The following ZZZ3 variants were observed in gnomAD, a reference collection of about 807,000 sequenced individuals.
ZZZ3 encodes zinc finger ZZ-type containing 3.
Under a neutral mutation model 95.2 loss-of-function variants are expected in ZZZ3, and 22 were observed. The ratio of observed to expected loss-of-function variants is 0.23; its 90% CI spans 0.17 to 0.33. The LOEUF is 0.33. Among genes scored for constraint, ZZZ3 ranks in the 10% least tolerant of loss-of-function variants. ZZZ3 has a pLI of 1.00. For missense variants in ZZZ3, 885 were observed against 1,066.5 expected (o/e 0.83, Z 2.37); for synonymous variants, 335 against 358.9 (o/e 0.93, Z 0.75).
rs140282569 is a variant in ZZZ3, at chr1:77,633,307, T to A, written c.48A>T (p.Leu16Phe). The A allele has an allele frequency of 2.3e-5, 37 of 1,613,664 alleles. No homozygotes were observed. The highest frequency in any genetic ancestry group is 2.5e-5 in the Non-Finnish European group (30 of 1,179,836). ...STRVTRSTVG[L>F]NGLDESFCGR... Reference sequence around the variant, plus strand: ...CACAAAAAGATTCATCCAAGCCGTTTAACCCCACTGTTGATCTTGTAACAC... The same window carrying A: ...CACAAAAAGATTCATCCAAGCCGTTAAACCCCACTGTTGATCTTGTAACAC... Residue 16 changes from leucine to phenylalanine, a missense_variant, in exon 5 of 15, where the codon TTA becomes TTT. By Grantham distance (22) the Leu-to-Phe change is conservative. Around this residue, in one of 5 missense-constraint regions of ZZZ3, gnomAD observed 556 missense variants for 652.9 expected, o/e 0.85. Coordinates refer to ENST00000370801, the MANE Select transcript of ZZZ3 (RefSeq NM_015534.6).
At chr1:77,635,234 T>G (rs1475444671) in intron 4 of ZZZ3, among the ~76,000 whole-genome samples, 1 of 152,250 alleles carries the variant, frequency 6.6e-6, no homozygotes, top group African/African-American at 2.4e-5. Flanking sequence ...AATATTTAAG[T>G]TGCCTGAGTT....
At chr1:77,658,807 T>G (rs1670524906) in intron 1 of ZZZ3, among the ~76,000 whole-genome samples, 2 of 152,240 alleles carry the variant, frequency 1.3e-5, no homozygotes, top group Admixed American at 1.3e-4. Flanking sequence ...ACACTCTATG[T>G]CTGCATTTGA....
intron 5 of ZZZ3, among the ~76,000 whole-genome samples, chr1:77,626,186 A>G (rs1021997812): frequency 2.6e-5 from 4 of 152,128 alleles, no homozygotes; most frequent in Non-Finnish European, 5.9e-5. Context: ...ACAAGCAAAA[A>G]TTACATATTT....
intron 5 of ZZZ3, among the ~76,000 whole-genome samples, chr1:77,609,091 C>T (rs1208329424): frequency 6.6e-6 from 1 of 151,992 alleles, no homozygotes; most frequent in Non-Finnish European, 1.5e-5. Flanking sequence ...CACAGACTGG[C>T]TGAACGGATG....
chr1:77,601,257 T>C (rs531146833), intron 5 of ZZZ3, among the ~76,000 whole-genome samples: 4 of 152,284 alleles, frequency 2.6e-5, no homozygotes, highest in African/African-American at 9.6e-5. Flanking sequence ...CGACTACTAA[T>C]GAAGAATCTA....
chr1:77,572,352 T>C (rs1197494741), intron 12 of ZZZ3, among the ~76,000 whole-genome samples: 1 of 152,218 alleles, frequency 6.6e-6, no homozygotes, highest in African/African-American at 2.4e-5. Context: ...TTTGTTTTGT[T>C]TTTTGAGACG....
At chr1:77,665,308 C>T (rs1671151540) in intron 1 of ZZZ3, among the ~76,000 whole-genome samples, 2 of 152,050 alleles carry the variant, frequency 1.3e-5, no homozygotes, top group African/African-American at 4.8e-5. Context: ...AGACAGCTTC[C>T]AAGGCCAATG....
rs1241150830 is a variant in ZZZ3, at chr1:77,562,619, A to T, written c.*3021T>A. ...GAAGGGGGGAAAACAGACAAGGCAT[A>T]CTATTAGGTTAAGTGAGAAGCACCC... On this transcript the variant is annotated 3_prime_UTR_variant, in exon 15 of 15. Coordinates refer to ENST00000370801, the MANE Select transcript of ZZZ3 (RefSeq NM_015534.6). The T allele has an allele frequency of 6.6e-6, 1 of 152,230 alleles. No individual in the cohort carries two copies. Among genetic ancestry groups the T allele is most frequent in the African/African-American group, 2.4e-5 (1 of 41,450 alleles). 9.4% of individuals were successfully genotyped at this position (152,230 alleles called of 1,614,324 possible). A position where few individuals can be genotyped will look rare whatever the true frequency, so the allele number is the denominator to read the frequency against.
chr1:77,646,340 C>A (rs1570598194), intron 1 of ZZZ3, among the ~76,000 whole-genome samples: 1 of 152,086 alleles, frequency 6.6e-6, no homozygotes, highest in South Asian at 2.1e-4. Context: ...CCCGCCTCAG[C>A]CTCCCAAGTA....
At chr1:77,666,649 T>A (rs922973927) in intron 1 of ZZZ3, among the ~76,000 whole-genome samples, 1 of 152,132 alleles carries the variant, frequency 6.6e-6, no homozygotes, top group Admixed American at 6.6e-5. Flanking sequence ...TCACTGACCA[T>A]CTCCCATGAA....
chr1:77,620,484 T>TGGAAGGAAGGAAGGAAGGAAGGAA (rs67469701), intron 5 of ZZZ3, among the ~76,000 whole-genome samples: 4 of 135,716 alleles, frequency 2.9e-5, no homozygotes, highest in Admixed American at 7.5e-5. Context: ...AACGAAAGAA[T>TGGAAGGAAGGAAGGAAGGAAGGAA]GGAAGGAAGG....
At chr1:77,674,092 ATAAAACACAAAAAAGGTCAT>A (rs1672034174) in intron 1 of ZZZ3, among the ~76,000 whole-genome samples, 1 of 152,078 alleles carries the variant, frequency 6.6e-6, no homozygotes. Context: ...CCAAATAGCA[ATAAAACACAAAAAAGGTCAT>A]TAAAACACAA....
At chr1:77,670,015 G>T (rs1012887143) in intron 1 of ZZZ3, among the ~76,000 whole-genome samples, 20 of 145,924 alleles carry the variant, frequency 1.4e-4, no homozygotes, top group African/African-American at 5.1e-4. Context: ...CACTTAAAAA[G>T]AATTAATATG....
Position 77,584,551 on chromosome 1 carries a change from T to C in ZZZ3, c.1610A>G (p.Asn537Ser). Residue 537 changes from asparagine to serine, a missense_variant, in exon 6 of 15, where the codon AAT (asparagine) becomes AGT (serine). By Grantham distance (46) the Asn-to-Ser change is conservative. Coordinates refer to ENST00000370801, the MANE Select transcript of ZZZ3 (RefSeq NM_015534.6). ...GAGTTTTTCCACAAATCCAATGGGA[T>C]TTTTCAGTGCTTCTCTCTGGTGCCT... is the stretch of plus-strand genomic sequence containing the variant. Reference protein sequence around the residue: ...LGRHQREALKNPIGFVEKLQK... With the variant: ...LGRHQREALKSPIGFVEKLQK... 1 of 1,612,802 alleles carries C rather than the reference T, an allele frequency of 6.2e-7. No individual in the cohort carries two copies.
chr1:77,585,219 T>C (rs1470522966), intron 5 of ZZZ3, among the ~76,000 whole-genome samples: 7 of 152,174 alleles, frequency 4.6e-5, no homozygotes, highest in Non-Finnish European at 1.0e-4. Context: ...GCATGAAAGA[T>C]AAAGACAAAT....
chr1:77,661,880 G>T (rs1384981709), intron 1 of ZZZ3, among the ~76,000 whole-genome samples: 3 of 151,590 alleles, frequency 2.0e-5, no homozygotes, highest in Non-Finnish European at 4.4e-5. Context: ...GCAGTGACAC[G>T]ATCATAGCTC....
At chr1:77,630,816 CA>C (rs1224658319) in intron 5 of ZZZ3, among the ~76,000 whole-genome samples, 1 of 152,176 alleles carries the variant, frequency 6.6e-6, no homozygotes, top group African/African-American at 2.4e-5. Context: ...TTATGTCCCA[CA>C]ACCAGGATTT....
chr1:77,631,908 C>T lies in ZZZ3; in HGVS notation c.1447G>A (p.Asp483Asn). 6.2e-7 allele frequency: 1 copy of T among 1,613,304 alleles called. No homozygotes were observed. Among genetic ancestry groups the T allele is most frequent in the Non-Finnish European group, 8.5e-7 (1 of 1,179,592 alleles). The change falls in exon 5 of 15, where the codon GAT becomes AAT. Residue 483 changes from aspartate (D) to asparagine (N), a missense_variant. Physicochemically the swap from Asp to Asn is conservative, Grantham distance 23. Coordinates refer to ENST00000370801, the MANE Select transcript of ZZZ3 (RefSeq NM_015534.6). ...TCAAAGTAATAAACATCAGGATCATCATCTTCCTCTTCTGTAATGTGCTGA... is the reference window on the plus strand; with the variant it reads ...TCAAAGTAATAAACATCAGGATCATTATCTTCCTCTTCTGTAATGTGCTGA... ...ASQHITEEED[D>N]DPDVYYFESD... is the part of the protein sequence containing the mutation.
intron 1 of ZZZ3, among the ~76,000 whole-genome samples, chr1:77,673,324 G>A (rs780617080): frequency 1.7e-4 from 26 of 152,008 alleles, no homozygotes; most frequent in Admixed American, 2.6e-4. Flanking sequence ...CGGCCAGGCA[G>A]GGTGGCTCAC....
Sources: allele counts gnomAD v4.1 joint callset (sites outside exome capture counted in the v4.1 genomes callset), GRCh38; gene constraint gnomAD v4.1.1; regional missense constraint gnomAD v4.1.1; transcripts MANE v1.5; gene names NCBI Gene and HGNC (gene_info 2026-07-23, HGNC 2026-07-21).